The following MKLN1 variants were observed in gnomAD, a reference collection of about 807,000 sequenced individuals.
MKLN1 encodes muskelin 1.
MKLN1 carries 18 observed loss-of-function variants against 99.0 expected under a neutral mutation model. That is an observed-to-expected ratio of 0.18 (90% CI 0.13 to 0.27). MKLN1 has a LOEUF of 0.27. Among genes scored for constraint, MKLN1 ranks in the 10% least tolerant of loss-of-function variants. MKLN1 has a pLI of 1.00. For synonymous variants in MKLN1, 288 were observed against 293.2 expected (o/e 0.98, Z 0.18); for missense variants, 621 against 875.9 (o/e 0.71, Z 3.67).
At chr7:131,361,891 G>T (rs572455768) in intron 1 of MKLN1, among the ~76,000 whole-genome samples, 156 of 151,696 alleles carry the variant, frequency 1.0e-3, no homozygotes, top group Non-Finnish European at 1.8e-3. Flanking sequence ...GTTAGTTTTA[G>T]TTCGGTGGTT....
At chr7:131,470,779 C>T (rs1337649481) in intron 15 of MKLN1, 63 bp from the exon 16 acceptor site, 6 of 1,077,342 alleles carry the variant, frequency 5.6e-6, no homozygotes, top group Admixed American at 3.5e-5. Context: ...TATTCCAGGT[C>T]TGAAAGACAT....
At chr7:131,425,806 T>G (rs1795342692) in intron 8 of MKLN1, among the ~76,000 whole-genome samples, 2 of 152,220 alleles carry the variant, frequency 1.3e-5, no homozygotes, top group Admixed American at 1.3e-4. Context: ...ATTAATGCTT[T>G]CTTTTTTCTT....
chr7:131,263,638 C>G (rs1797767098), intron 3 of MKLN1, among the ~76,000 whole-genome samples: 1 of 150,964 alleles, frequency 6.6e-6, no homozygotes, highest in African/African-American at 2.4e-5. Context: ...GTGGCACGAT[C>G]TCGGCTCACT....
chr7:131,348,178 G>A (rs1799618030), intron 1 of MKLN1, among the ~76,000 whole-genome samples: 1 of 152,150 alleles, frequency 6.6e-6, no homozygotes, highest in South Asian at 2.1e-4. Context: ...TATCTATATT[G>A]TGATTTGCCA....
At chr7:131,265,612 G>A (rs1215258211) in intron 3 of MKLN1, among the ~76,000 whole-genome samples, 1 of 152,166 alleles carries the variant, frequency 6.6e-6, no homozygotes, top group Non-Finnish European at 1.5e-5. Flanking sequence ...AATCCCAGCG[G>A]AGGAGGGGCT....
At chr7:131,193,772 C>T (rs2116392339) in intron 2 of MKLN1, among the ~76,000 whole-genome samples, 1 of 152,106 alleles carries the variant, frequency 6.6e-6, no homozygotes, top group East Asian at 1.9e-4. Flanking sequence ...CACCCACCCA[C>T]AATGCCCAGC....
At chr7:131,275,803 T>C in intron 3 of MKLN1, among the ~76,000 whole-genome samples, 1 of 151,668 alleles carries the variant, frequency 6.6e-6, no homozygotes, top group East Asian at 1.9e-4. Flanking sequence ...ACCACCTTGA[T>C]TACTGATAAA....
chr7:131,406,417 A>T (rs990077302), intron 6 of MKLN1, among the ~76,000 whole-genome samples: 1 of 152,034 alleles, frequency 6.6e-6, no homozygotes, highest in African/African-American at 2.4e-5. Flanking sequence ...AGGATTTAGT[A>T]GACTTTCAGC....
At chr7:131,247,236 T>TTTTTTC (rs1491248505) in intron 3 of MKLN1, among the ~76,000 whole-genome samples, 1 of 33,588 alleles carries the variant, frequency 3.0e-5, no homozygotes, top group Non-Finnish European at 7.4e-5. Flanking sequence ...TTCTTTTTTC[T>TTTTTTC]TTTTTTTTTT....
At chr7:131,143,444 C>T (rs770641242) in intron 2 of MKLN1, among the ~76,000 whole-genome samples, 8 of 151,916 alleles carry the variant, frequency 5.3e-5, no homozygotes, top group South Asian at 2.1e-4. Flanking sequence ...CCAGCCCAGG[C>T]GACAGTGCGA....
At chr7:131,342,169 T>C (rs995877608) in intron 1 of MKLN1, among the ~76,000 whole-genome samples, 2 of 151,722 alleles carry the variant, frequency 1.3e-5, no homozygotes, top group Admixed American at 6.6e-5. Flanking sequence ...TTTTTTTTTT[T>C]CTGTTATTAT....
At chr7:131,244,820 A>C in intron 3 of MKLN1, among the ~76,000 whole-genome samples, 1 of 151,358 alleles carries the variant, frequency 6.6e-6, no homozygotes, top group Non-Finnish European at 1.5e-5. Context: ...TTCCCTCTTC[A>C]TCCGCCCCTC....
chr7:131,125,833 T>A (rs1468577083), intron 1 of MKLN1, among the ~76,000 whole-genome samples: 2 of 151,588 alleles, frequency 1.3e-5, no homozygotes, highest in Non-Finnish European at 2.9e-5. Flanking sequence ...TGAAACCCCG[T>A]CTCTGTTAAA....
intron 3 of MKLN1, among the ~76,000 whole-genome samples, chr7:131,205,097 CA>C (rs5887500): frequency 0.36 from 50,922 of 141,110 alleles, 9,564 homozygotes; most frequent in African/African-American, 0.53. Flanking sequence ...GACTCCGTCT[CA>C]AAAAAAAAAA....
chr7:131,331,920 G>C (rs1402590206), intron 1 of MKLN1, among the ~76,000 whole-genome samples: 1 of 152,078 alleles, frequency 6.6e-6, no homozygotes, highest in Non-Finnish European at 1.5e-5. Flanking sequence ...ATTATTGAAT[G>C]ACTTAGATAA....
chr7:131,238,039 T>C (rs1004260334), intron 3 of MKLN1, among the ~76,000 whole-genome samples: 2 of 151,814 alleles, frequency 1.3e-5, no homozygotes, highest in East Asian at 1.9e-4. Context: ...TCCAGCTACT[T>C]GGGAGGCTGA....
intron 3 of MKLN1, chr7:131,242,886 G>T (rs190250230): frequency 1.5e-6 from 1 of 668,472 alleles, no homozygotes; most frequent in Non-Finnish European, 2.8e-6. Flanking sequence ...CATCAATAAG[G>T]ATGTCTTCAG....
At chr7:131,186,947 T>G (rs987284186) in intron 2 of MKLN1, among the ~76,000 whole-genome samples, 2 of 152,192 alleles carry the variant, frequency 1.3e-5, no homozygotes, top group Admixed American at 1.3e-4. Flanking sequence ...CGTTAGCCAG[T>G]AAGAGAAGAG....
intron 2 of MKLN1, among the ~76,000 whole-genome samples, chr7:131,150,600 G>T (rs1411092122): frequency 2.0e-5 from 3 of 152,102 alleles, no homozygotes; most frequent in African/African-American, 7.2e-5. Flanking sequence ...GAACATAATT[G>T]CAAGTGTAGA....
Sources: allele counts gnomAD v4.1 joint callset (sites outside exome capture counted in the v4.1 genomes callset), GRCh38; gene constraint gnomAD v4.1.1; transcripts MANE v1.5; gene names NCBI Gene and HGNC (gene_info 2026-07-23, HGNC 2026-07-21).